The following SFI1 variants were observed in gnomAD, a reference collection of about 807,000 sequenced individuals.
The protein encoded by SFI1 is SFI1 centrin binding protein, also known as protein SFI1 homolog.
Under a neutral mutation model 207.5 loss-of-function variants are expected in SFI1, and 195 were observed. That is an observed-to-expected ratio of 0.94 (90% CI 0.84 to 1.06). SFI1 has a LOEUF of 1.06. SFI1 is among the 50% of genes least tolerant of loss of function. The pLI is 0.00. For synonymous variants in SFI1, 630 were observed against 598.9 expected, an observed-to-expected ratio of 1.05 and a Z score of -0.76; for missense variants, 1,634 against 1,588.0, an observed-to-expected ratio of 1.03 and a Z score of -0.49.
chr22:31,563,115 TC>T (rs1435650605), intron 8 of SFI1, among the ~76,000 whole-genome samples: 1 of 151,892 alleles, frequency 6.6e-6, no homozygotes, highest in Non-Finnish European at 1.5e-5. Flanking sequence ...TGCCTCAGCC[TC>T]CCAAGTAGCT....
At chr22:31,518,762 G>C (rs2056848662) in intron 2 of SFI1, among the ~76,000 whole-genome samples, 1 of 152,182 alleles carries the variant, frequency 6.6e-6, no homozygotes, top group Non-Finnish European at 1.5e-5. Flanking sequence ...TTCATGCAAT[G>C]TTGTTTATGC....
chr22:31,540,284 T>A lies in SFI1; in HGVS notation c.339-6577T>A, dbSNP rs996797226. The stretch of plus-strand genomic sequence containing the variant: ...TTTTATTTTATTTATTTATTTATTT[T>A]TATTTTATTTTATTTTTGAGACAGA... On this transcript the variant is annotated intron_variant, in intron 4 of 32. Transcript: ENST00000400288. 2.0e-5 allele frequency among the ~76,000 whole-genome samples: 3 copies of A among 151,004 alleles called. No homozygotes were observed. In the East Asian group the frequency reaches 5.8e-4, roughly 29 times the overall value.
intron 3 of SFI1, among the ~76,000 whole-genome samples, chr22:31,529,911 C>T (rs2058300176): frequency 6.6e-6 from 1 of 152,078 alleles, no homozygotes; most frequent in Non-Finnish European, 1.5e-5. Flanking sequence ...TGGCTCACGC[C>T]TGTAATCCCA....
intron 15 of SFI1, among the ~76,000 whole-genome samples, chr22:31,595,512 C>T (rs1210349612): frequency 6.6e-6 from 1 of 152,214 alleles, no homozygotes; most frequent in Non-Finnish European, 1.5e-5. Context: ...TTCACATCTC[C>T]AGTTCCAAAG....
chr22:31,530,950 A>G (rs1397057106), intron 3 of SFI1, 108 bp from the exon 4 acceptor site: 3 of 830,946 alleles, frequency 3.6e-6, no homozygotes, highest in South Asian at 1.6e-5. Context: ...GATTCATACT[A>G]ACATCCCTCT....
At chr22:31,516,906 A>G (rs1038729454) in intron 2 of SFI1, among the ~76,000 whole-genome samples, 1 of 152,062 alleles carries the variant, frequency 6.6e-6, no homozygotes, top group African/African-American at 2.4e-5. Context: ...GTGAGCCGAG[A>G]TTGCGCCATT....
At chr22:31,509,293 TGAG>T (rs1410508576) in intron 2 of SFI1, among the ~76,000 whole-genome samples, 4 of 152,140 alleles carry the variant, frequency 2.6e-5, no homozygotes, top group African/African-American at 9.7e-5. Flanking sequence ...GTCTGCAAGT[TGAG>T]GAGCAAGGAA....
In SFI1 at chr22:31,508,253, A is replaced by T. The variant is rs760101584; in HGVS notation, c.-30-2A>T. The T allele has an allele frequency of 6.9e-7, 1 of 1,444,748 alleles. No individual in the cohort carries two copies. The highest frequency in any genetic ancestry group is 9.7e-7 in the Non-Finnish European group (1 of 1,026,758). The allele number at this position is 1,444,748 out of a possible 1,614,324, so 89.5% of individuals were successfully genotyped here. ...CTCTTTTTTATTCTCTTTTTCTTGT[A>T]GTTAGAAGGGGAAGATAAAAGACTT... On this transcript the variant is annotated splice_acceptor_variant, in intron 1 of 32. Coordinates refer to ENST00000400288, the MANE Select transcript of SFI1 (RefSeq NM_001007467.3). LOFTEE classifies it low-confidence loss of function (5UTR_SPLICE).
At position 31,613,236 on chromosome 22, in the gene SFI1, C is replaced by G; in HGVS notation, c.2565+20C>G. 6.2e-7 allele frequency: 1 copy of G among 1,613,280 alleles called. No individual in the cohort carries two copies. The highest frequency in any genetic ancestry group is 8.5e-7 in the Non-Finnish European group (1 of 1,179,874). ...GCAAAGGTAATTGGGGCTCTGCATC[C>G]TACCATCCCTGCCTCTCCCTCAGGC... On this transcript the variant is annotated intron_variant, in intron 25 of 32. Transcript: ENST00000400288.
At chr22:31,565,119 G>A (rs538080782) in intron 8 of SFI1, among the ~76,000 whole-genome samples, 45 of 151,836 alleles carry the variant, frequency 3.0e-4, no homozygotes, top group Admixed American at 3.9e-4. Context: ...CACCGTGCCC[G>A]GCCCAGAATT....
intron 3 of SFI1, among the ~76,000 whole-genome samples, chr22:31,529,875 G>A (rs2058295456): frequency 6.6e-6 from 1 of 151,902 alleles, no homozygotes. Flanking sequence ...AACTCTATAA[G>A]ACAAGCCACC....
At position 31,580,318 on chromosome 22, in the gene SFI1, T is replaced by C. The variant is rs752278122; in HGVS notation, c.1202T>C (p.Leu401Pro). The change falls in exon 12 of 33, where the codon CTC (leucine) becomes CCC (proline). Residue 401 changes from leucine (L) to proline (P), a missense_variant. By Grantham distance (98) the Leu-to-Pro change is moderately conservative. Coordinates refer to ENST00000400288, the MANE Select transcript of SFI1 (RefSeq NM_001007467.3). ...ALKDNVTHAHLQQIRRNLAHQ... is the reference protein window; with the variant it reads ...ALKDNVTHAHPQQIRRNLAHQ... ...AAAGACAATGTGACCCACGCTCATC[T>C]CCAGCAAATAAGAAGGAATCTTGCT... The C allele has an allele frequency of 1.2e-6, 2 of 1,613,914 alleles. No homozygotes were observed. Among genetic ancestry groups the C allele is most frequent in the Non-Finnish European group, 1.7e-6 (2 of 1,179,944 alleles).
intron 2 of SFI1, among the ~76,000 whole-genome samples, chr22:31,517,331 T>C (rs1188326908): frequency 6.6e-6 from 1 of 152,034 alleles, no homozygotes; most frequent in Non-Finnish European, 1.5e-5. Flanking sequence ...CACTGCAGCC[T>C]CAACCTCCCA....
chr22:31,575,463 G>T (rs896463729), intron 10 of SFI1, 71 bp downstream of exon 10: 2 of 1,411,526 alleles, frequency 1.4e-6, no homozygotes, highest in Non-Finnish European at 1.9e-6. Context: ...CATGTGAAAC[G>T]AAAGTCATGA....
At chr22:31,582,236 ATTTTTTTTTTTTTT>A (rs1161846940) in intron 12 of SFI1, among the ~76,000 whole-genome samples, 8 of 10,138 alleles carry the variant, frequency 7.9e-4, no homozygotes, top group African/African-American at 2.5e-3. Flanking sequence ...ATATATATAT[ATTTTTTTTTTTTTT>A]TTTTTTTTTT....
chr22:31,579,787 A>T (rs964411454), intron 11 of SFI1, among the ~76,000 whole-genome samples: 1 of 152,254 alleles, frequency 6.6e-6, no homozygotes, highest in East Asian at 1.9e-4. Context: ...ATCCAGGTCC[A>T]TCCTGGCCCA....
Position 31,531,129 on chromosome 22 carries a change from G to A in SFI1, c.338G>A (p.Arg113Lys). 6.2e-7 allele frequency: 1 copy of A among 1,610,584 alleles called. No homozygotes were observed. Among genetic ancestry groups the A allele is most frequent in the Non-Finnish European group, 8.5e-7 (1 of 1,177,432 alleles). Residue 113 changes from arginine (R) to lysine (K), a missense_variant and splice_region_variant, in exon 4 of 33, where the codon AGA (arginine) becomes AAA (lysine). Transcript: ENST00000400288. ...TFGRVFPSKA[R>K]FYYEQRLLRK... ...GGAAGAGTATTTCCCTCTAAAGCCA[G>A]GTAGTATTAGCTCAGAACAACATAA...
intron 15 of SFI1, among the ~76,000 whole-genome samples, chr22:31,590,802 C>T (rs2065756558): frequency 6.7e-6 from 1 of 149,128 alleles, no homozygotes; most frequent in Non-Finnish European, 1.5e-5. Flanking sequence ...TGCGCCCGGC[C>T]AGCGTTTCAA....
intron 4 of SFI1, among the ~76,000 whole-genome samples, chr22:31,545,732 C>A (rs919942405): frequency 1.3e-5 from 2 of 151,782 alleles, no homozygotes; most frequent in African/African-American, 4.8e-5. Flanking sequence ...TGGCGTGCAC[C>A]ACCATGCCTG....
Sources: gnomAD v4.1 joint callset for allele counts (sites outside exome capture counted in the v4.1 genomes callset) on GRCh38, gnomAD v4.1.1 for gene constraint, MANE v1.5 for transcripts, NCBI Gene and HGNC (gene_info 2026-07-23, HGNC 2026-07-21) for gene names.